ANTXR1: variants seen among roughly 807,000 people sequenced by gnomAD.
The protein encoded by ANTXR1 is ANTXR cell adhesion molecule 1.
A neutral mutation model predicts 78.1 loss-of-function variants in ANTXR1; 19 were observed. The observed-to-expected ratio is 0.24, with a 90% CI of 0.17 to 0.36. The LOEUF (loss-of-function observed/expected upper bound fraction) is 0.36. Ranked by LOEUF, ANTXR1 falls within the 10% of genes least tolerant of loss-of-function variation. The pLI is 1.00. For missense variants in ANTXR1, 518 were observed against 718.6 expected (o/e 0.72, Z 3.19); for synonymous variants, 273 against 260.5 (o/e 1.05, Z -0.46).
chr2:69,033,719 T>C (rs939691581), intron 1 of ANTXR1, among the ~76,000 whole-genome samples: 4 of 152,204 alleles, frequency 2.6e-5, no homozygotes, highest in Admixed American at 2.6e-4. Context: ...AGTTTTATAA[T>C]TTCCATCCTT....
At chr2:69,199,417 G>T (rs57572219) in intron 17 of ANTXR1, among the ~76,000 whole-genome samples, 1 of 152,154 alleles carries the variant, frequency 6.6e-6, no homozygotes, top group Non-Finnish European at 1.5e-5. Context: ...CCACCAAGCC[G>T]CCCCTTTTCT....
At chr2:69,212,288 A>G (rs1002016180) in intron 17 of ANTXR1, among the ~76,000 whole-genome samples, 2 of 152,194 alleles carry the variant, frequency 1.3e-5, no homozygotes, top group Admixed American at 6.5e-5. Flanking sequence ...AGAGAATTTC[A>G]CAGGACCTTG....
chr2:69,148,147 TAAAG>T (rs1673278998), intron 12 of ANTXR1, among the ~76,000 whole-genome samples: 1 of 152,182 alleles, frequency 6.6e-6, no homozygotes, highest in Admixed American at 6.5e-5. Flanking sequence ...GTCACTGGGT[TAAAG>T]CCACTAAGGG....
intron 9 of ANTXR1, among the ~76,000 whole-genome samples, chr2:69,099,461 T>C (rs772512813): frequency 3.9e-5 from 6 of 152,216 alleles, no homozygotes; most frequent in Non-Finnish European, 7.3e-5. Flanking sequence ...GGTATATGTC[T>C]AGGAATGGAA....
At chr2:69,079,183 A>T (rs1239689119) in intron 8 of ANTXR1, among the ~76,000 whole-genome samples, 2 of 152,150 alleles carry the variant, frequency 1.3e-5, no homozygotes, top group Non-Finnish European at 2.9e-5. Context: ...GAATTATCAG[A>T]CCCAGTTGTC....
chr2:69,043,512 G>C (rs1286088362), intron 2 of ANTXR1, among the ~76,000 whole-genome samples: 1 of 152,164 alleles, frequency 6.6e-6, no homozygotes, highest in Non-Finnish European at 1.5e-5. Flanking sequence ...GCAGCACGGG[G>C]TCATGGACAG....
rs115610437 is a variant in ANTXR1, at chr2:69,200,744, G to A, written c.1434+7329G>A. 2.5e-3 allele frequency among the ~76,000 whole-genome samples: 387 copies of A among 152,226 alleles called. 2 individuals carry two copies. Among genetic ancestry groups the A allele is most frequent in the African/African-American group, 8.9e-3 (371 of 41,532 alleles). ...GAGGACTAAACTCTGGCTTCCAGGA[G>A]TTCATGTATGTATGTATGTATGTAT... On this transcript the variant is annotated intron_variant, in intron 17 of 17. Coordinates refer to ENST00000303714, the MANE Select transcript of ANTXR1 (RefSeq NM_032208.3).
At chr2:69,129,928 G>C (rs566218118) in intron 12 of ANTXR1, among the ~76,000 whole-genome samples, 5 of 152,288 alleles carry the variant, frequency 3.3e-5, no homozygotes, top group African/African-American at 1.2e-4. Context: ...TGAAGAAGTG[G>C]GACGAGGCCA....
chr2:69,235,250 C>T (rs74183135), intron 17 of ANTXR1, among the ~76,000 whole-genome samples: 5 of 151,816 alleles, frequency 3.3e-5, no homozygotes, highest in African/African-American at 9.7e-5. Flanking sequence ...CTCAAACTCC[C>T]GACTTCAGGT....
At chr2:69,056,597 A>C (rs1398285687) in intron 3 of ANTXR1, among the ~76,000 whole-genome samples, 3 of 152,320 alleles carry the variant, frequency 2.0e-5, no homozygotes, top group South Asian at 4.1e-4. Context: ...ATCATGAATT[A>C]GGGATTTATC....
At position 69,168,011 on chromosome 2, in the gene ANTXR1, C is replaced by T. The variant is rs192793206; in HGVS notation, c.1048-2237C>T. On this transcript the variant is annotated intron_variant, in intron 13 of 17. Transcript: ENST00000303714. ...GTTGGGCCACCTAGAACTGCATTCC[C>T]CAGCCAGTGTCATATGCTGACACAC... Among the ~76,000 whole-genome samples, 6 of 152,320 alleles carry T rather than the reference C, an allele frequency of 3.9e-5. No individual in the cohort carries two copies. In the East Asian group the frequency reaches 1.2e-3, roughly 29 times the overall value.
At chr2:69,227,010 G>A (rs1356025396) in intron 17 of ANTXR1, among the ~76,000 whole-genome samples, 1 of 152,090 alleles carries the variant, frequency 6.6e-6, no homozygotes, top group African/African-American at 2.4e-5. Context: ...ATGAAAATGG[G>A]GCATTTTGAT....
chr2:69,093,822 A>G (rs182474098), intron 9 of ANTXR1, among the ~76,000 whole-genome samples: 62 of 152,338 alleles, frequency 4.1e-4, no homozygotes, highest in African/African-American at 1.5e-3. Flanking sequence ...AGCAAACAAC[A>G]GTTATCTGTA....
chr2:69,174,241 G>A (rs1003201998), intron 14 of ANTXR1, among the ~76,000 whole-genome samples: 39 of 152,210 alleles, frequency 2.6e-4, no homozygotes, highest in Admixed American at 2.5e-3. Flanking sequence ...TAGCCCCAAT[G>A]TTTTTTGATA....
rs76087957 is a variant in ANTXR1, at chr2:69,193,461, A to T, written c.1434+46A>T. On this transcript the variant is annotated intron_variant, in intron 17 of 17. Transcript: ENST00000303714. ...AATGGTGTCTCTCTCTCTCTCTCTC[A>T]CATACACACACACACACACACACAC... is the stretch of plus-strand genomic sequence containing the variant. 0.018 allele frequency: 17,888 copies of T among 992,698 alleles called. 280 individuals are homozygous for T. Among genetic ancestry groups the T allele is most frequent in the African/African-American group, 0.13 (5,037 of 38,346 alleles). 61.5% of individuals were successfully genotyped at this position (992,698 alleles called of 1,614,324 possible). A position where few individuals can be genotyped will look rare whatever the true frequency, so the allele number is the denominator to read the frequency against.
intron 17 of ANTXR1, among the ~76,000 whole-genome samples, chr2:69,198,432 C>A (rs1222265152): frequency 6.6e-6 from 1 of 152,074 alleles, no homozygotes; most frequent in Non-Finnish European, 1.5e-5. Flanking sequence ...TTCCTGTGAT[C>A]ATTTTCTTAA....
At chr2:69,058,865 G>A (rs1670149335) in intron 3 of ANTXR1, among the ~76,000 whole-genome samples, 1 of 152,206 alleles carries the variant, frequency 6.6e-6, no homozygotes, top group South Asian at 2.1e-4. Context: ...GACATTAACA[G>A]CAACTTAGAA....
chr2:69,031,690 A>G (rs1001625136), intron 1 of ANTXR1, among the ~76,000 whole-genome samples: 10 of 152,204 alleles, frequency 6.6e-5, no homozygotes, highest in Non-Finnish European at 1.5e-5. Flanking sequence ...CAAATGACAC[A>G]AGAGGAAATT....
At chr2:69,098,553 T>G (rs1671503458) in intron 9 of ANTXR1, among the ~76,000 whole-genome samples, 1 of 152,188 alleles carries the variant, frequency 6.6e-6, no homozygotes, top group South Asian at 2.1e-4. Flanking sequence ...GTTCCACATT[T>G]CCAAAAAGAA....
Sources: gnomAD v4.1 joint callset for allele counts (sites outside exome capture counted in the v4.1 genomes callset) on GRCh38, gnomAD v4.1.1 for gene constraint, MANE v1.5 for transcripts, NCBI Gene and HGNC (gene_info 2026-07-23, HGNC 2026-07-21) for gene names.